The following DMD variants were observed in gnomAD, a reference collection of about 807,000 sequenced individuals.
The protein encoded by DMD is mutant dystrophin.
Under a neutral mutation model 330.1 loss-of-function variants are expected in DMD, and 63 were observed. The ratio of observed to expected loss-of-function variants is 0.19; its 90% CI spans 0.16 to 0.24. The LOEUF (loss-of-function observed/expected upper bound fraction) is 0.24. DMD is among the 10% of genes least tolerant of loss of function. The pLI is 1.00. For synonymous variants in DMD, 1,223 were observed against 959.8 expected, an observed-to-expected ratio of 1.27 and a Z score of -5.07; for missense variants, 3,344 against 2,684.1, an observed-to-expected ratio of 1.25 and a Z score of -5.43.
chrX:32,383,293 G>T (rs1270510063), intron 33 of DMD, among the ~76,000 whole-genome samples: 3 of 110,616 alleles, frequency 2.7e-5, no homozygotes, highest in Non-Finnish European at 5.7e-5. Flanking sequence ...TTGTGTTATG[G>T]CAGCCAGAGC....
At chrX:32,283,816 C>A (rs1214539434) in intron 43 of DMD, among the ~76,000 whole-genome samples, 1 of 111,344 alleles carries the variant, frequency 9.0e-6, no homozygotes, top group Admixed American at 9.6e-5. Flanking sequence ...GTGACAGAGA[C>A]TACATGACCT....
At chrX:31,616,316 G>A (rs905163883) in intron 55 of DMD, among the ~76,000 whole-genome samples, 1 of 111,617 alleles carries the variant, frequency 9.0e-6, no homozygotes, top group African/African-American at 3.3e-5. Context: ...TAATGTTTGG[G>A]TAAGCTTAGA....
intron 44 of DMD, among the ~76,000 whole-genome samples, chrX:32,099,643 C>CA (rs2096529719): frequency 9.7e-6 from 1 of 102,962 alleles, no homozygotes; most frequent in Admixed American, 1.1e-4. Flanking sequence ...ATCGCAAGGA[C>CA]AAAAAACCAA....
Position 32,312,942 on chromosome X carries a change from C to CAAAAAAAAAAAAAAAAAAAAAAAA in DMD, c.5923-2667_5923-2666insTTTTTTTTTTTTTTTTTTTTTTTT, listed in dbSNP as rs767993498. ...ATTGAGGCAGTAATAGCCTACGAAC[C>CAAAAAAAAAAAAAAAAAAAAAAAA]AAAAAAAAAAAAAAAAAAAAAAGCC... On this transcript the variant is annotated intron_variant, in intron 41 of 78. Coordinates refer to ENST00000357033, the MANE Select transcript of DMD (RefSeq NM_004006.3). 8.3e-4 allele frequency among the ~76,000 whole-genome samples: 17 copies of CAAAAAAAAAAAAAAAAAAAAAAAA among 20,404 alleles called. 3 individuals carry two copies. The highest frequency in any genetic ancestry group is 3.1e-3 in the East Asian group (1 of 325). The allele number at this position is 20,404 out of a possible 115,157, so 17.7% of individuals were successfully genotyped here. A position where few individuals can be genotyped will look rare whatever the true frequency, so the allele number is the denominator to read the frequency against.
At chrX:31,958,019 A>T (rs772688601) in intron 45 of DMD, among the ~76,000 whole-genome samples, 3 of 110,588 alleles carry the variant, frequency 2.7e-5, no homozygotes, top group Non-Finnish European at 5.7e-5. Flanking sequence ...AATGTGTCTC[A>T]AAGGACAGGC....
chrX:32,467,891 G>T (rs2040212031), intron 23 of DMD, among the ~76,000 whole-genome samples: 1 of 109,503 alleles, frequency 9.1e-6, no homozygotes, highest in Admixed American at 9.9e-5. Context: ...AGTATCATAG[G>T]ACATTAATAC....
At chrX:31,849,714 T>A (rs745866517) in intron 48 of DMD, among the ~76,000 whole-genome samples, 1 of 110,201 alleles carries the variant, frequency 9.1e-6, no homozygotes, top group East Asian at 2.8e-4. Context: ...TAAATATATA[T>A]GAATATATAT....
At chrX:32,611,166 A>T (rs17243652) in intron 12 of DMD, among the ~76,000 whole-genome samples, 6,889 of 107,748 alleles carry the variant, frequency 0.064, 195 homozygotes, top group African/African-American at 0.083. Context: ...CATTATCAAT[A>T]TTCAGGACTT....
chrX:31,653,320 T>A (rs758837656), intron 54 of DMD, among the ~76,000 whole-genome samples: 2 of 111,916 alleles, frequency 1.8e-5, no homozygotes, highest in East Asian at 5.6e-4. Flanking sequence ...GAAGAAAATG[T>A]GTTTGTATGT....
intron 2 of DMD, among the ~76,000 whole-genome samples, chrX:32,958,305 T>A (rs907782051): frequency 1.8e-5 from 2 of 111,675 alleles, no homozygotes; most frequent in Non-Finnish European, 3.8e-5. Flanking sequence ...TAAAGATAAA[T>A]CGTTTCTTCA....
chrX:33,143,608 A>G (rs1157436733), intron 1 of DMD, among the ~76,000 whole-genome samples: 1 of 111,695 alleles, frequency 9.0e-6, no homozygotes, highest in African/African-American at 3.2e-5. Context: ...GGCAATAAAA[A>G]AACCCAAAAC....
intron 44 of DMD, among the ~76,000 whole-genome samples, chrX:32,048,249 T>C (rs1355680680): frequency 9.5e-6 from 1 of 104,817 alleles, no homozygotes; most frequent in African/African-American, 3.5e-5. Context: ...AAATTTAACA[T>C]TTTGCCCAAG....
chrX:32,378,321 T>C (rs1396628408), intron 34 of DMD, among the ~76,000 whole-genome samples: 1 of 109,680 alleles, frequency 9.1e-6, no homozygotes, highest in Non-Finnish European at 1.9e-5. Flanking sequence ...ATAATTTTCC[T>C]TTTCCTAGTT....
chrX:32,341,987 T>A, intron 41 of DMD, 113 bp downstream of exon 41: 1 of 794,682 alleles, frequency 1.3e-6, no homozygotes, highest in Non-Finnish European at 1.8e-6. Flanking sequence ...GAATGTACAT[T>A]AGAAGTTTAA....
At chrX:33,282,298 C>A (rs1213709386) in intron 1 of DMD, among the ~76,000 whole-genome samples, 1 of 111,920 alleles carries the variant, frequency 8.9e-6, no homozygotes, top group Admixed American at 9.4e-5. Context: ...GTAGTTAGGA[C>A]ACTTGTGGCA....
At chrX:32,943,393 C>CAT (rs1266623988) in intron 2 of DMD, among the ~76,000 whole-genome samples, 1 of 111,064 alleles carries the variant, frequency 9.0e-6, no homozygotes, top group Non-Finnish European at 1.9e-5. Flanking sequence ...AATATATATG[C>CAT]ATATATAAGC....
At chrX:32,718,648 T>A (rs992729708) in intron 7 of DMD, among the ~76,000 whole-genome samples, 1 of 112,192 alleles carries the variant, frequency 8.9e-6, no homozygotes, top group Non-Finnish European at 1.9e-5. Context: ...TTGCTTTTAC[T>A]GATAGGACTG....
chrX:32,932,687 T>C (rs1219077349), intron 2 of DMD, among the ~76,000 whole-genome samples: 1 of 111,981 alleles, frequency 8.9e-6, no homozygotes. Flanking sequence ...ATCCCCATTA[T>C]AGTGTAGTTT....
chrX:32,978,769 G>T (rs899590538), intron 2 of DMD, among the ~76,000 whole-genome samples: 2 of 111,936 alleles, frequency 1.8e-5, no homozygotes, highest in African/African-American at 6.5e-5. Flanking sequence ...GCGCCCGGCC[G>T]TATGATCTTT....
Sources: allele counts gnomAD v4.1 joint callset (sites outside exome capture counted in the v4.1 genomes callset), GRCh38; gene constraint gnomAD v4.1.1; transcripts MANE v1.5; gene names NCBI Gene and HGNC (gene_info 2026-07-23, HGNC 2026-07-21).